Variants in EYS observed in about 807,000 individuals in gnomAD.
EYS encodes protein eyes shut homolog.
A neutral mutation model predicts 282.1 loss-of-function variants in EYS; 250 were observed. The observed-to-expected ratio is 0.89, with a 90% confidence interval of 0.80 to 0.98. The LOEUF (loss-of-function observed/expected upper bound fraction) is 0.98. Among genes scored for constraint, EYS ranks in the 50% least tolerant of loss-of-function variants. EYS has a pLI of 0.00. For synonymous variants in EYS, 1,355 were observed against 1,282.9 expected (o/e 1.06, Z -1.20); for missense variants, 4,016 against 3,709.0 (o/e 1.08, Z -2.15).
chr6:63,904,180 T>C (rs555727696), intron 35 of EYS, among the ~76,000 whole-genome samples: 4 of 152,300 alleles, frequency 2.6e-5, no homozygotes, highest in South Asian at 2.1e-4. Context: ...GTGTCTCAAC[T>C]GTCCTTGCTT....
At chr6:65,576,426 C>T (rs1764670600) in intron 2 of EYS, among the ~76,000 whole-genome samples, 1 of 151,754 alleles carries the variant, frequency 6.6e-6, no homozygotes, top group Admixed American at 6.6e-5. Context: ...AAAGAATGTA[C>T]CTCAACACAA....
At chr6:65,198,253 G>A (rs1255025634) in intron 12 of EYS, among the ~76,000 whole-genome samples, 1 of 152,048 alleles carries the variant, frequency 6.6e-6, no homozygotes, top group African/African-American at 2.4e-5. Flanking sequence ...TAACATGTAT[G>A]GAGTTATCAT....
intron 2 of EYS, among the ~76,000 whole-genome samples, chr6:65,615,258 T>C (rs1198923263): frequency 6.6e-6 from 1 of 152,062 alleles, no homozygotes; most frequent in African/African-American, 2.4e-5. Flanking sequence ...CTTTGCAGTT[T>C]TCATCTTTTG....
chr6:63,787,675 G>A (rs533038299), intron 39 of EYS, among the ~76,000 whole-genome samples: 1 of 152,282 alleles, frequency 6.6e-6, no homozygotes, highest in South Asian at 2.1e-4. Context: ...ATGAGGCTGG[G>A]CATGGCCTGT....
intron 2 of EYS, among the ~76,000 whole-genome samples, chr6:65,542,209 T>G (rs1410072248): frequency 6.6e-6 from 1 of 152,084 alleles, no homozygotes; most frequent in East Asian, 1.9e-4. Context: ...ACTTCTTTAT[T>G]CCTAATTGGT....
At chr6:65,272,655 C>T (rs1452164674) in intron 12 of EYS, among the ~76,000 whole-genome samples, 2 of 152,216 alleles carry the variant, frequency 1.3e-5, no homozygotes, top group Admixed American at 6.5e-5. Flanking sequence ...TTAGGATATA[C>T]ATTAATCCAT....
chr6:64,071,456 T>C (rs1440466274), intron 32 of EYS, among the ~76,000 whole-genome samples: 1 of 151,784 alleles, frequency 6.6e-6, no homozygotes, highest in African/African-American at 2.4e-5. Flanking sequence ...TCTTTATACA[T>C]GTTTGTGCCC....
intron 26 of EYS, among the ~76,000 whole-genome samples, chr6:64,581,981 G>T (rs1382784097): frequency 1.3e-5 from 2 of 152,070 alleles, no homozygotes; most frequent in Admixed American, 1.3e-4. Flanking sequence ...TAAAAACTTG[G>T]CCAGAAAAGT....
At chr6:64,832,474 T>C (rs2150029029) in intron 19 of EYS, among the ~76,000 whole-genome samples, 1 of 151,958 alleles carries the variant, frequency 6.6e-6, no homozygotes, top group Middle Eastern at 3.4e-3. Flanking sequence ...TTCAATGGCA[T>C]AAAATTTCAC....
chr6:63,822,929 T>C (rs1771361978), intron 36 of EYS, among the ~76,000 whole-genome samples: 1 of 152,210 alleles, frequency 6.6e-6, no homozygotes, highest in South Asian at 2.1e-4. Context: ...TTTTAGTTTC[T>C]GTTTTCTAAT....
At chr6:64,057,570 A>AT (rs1235146609) in intron 33 of EYS, among the ~76,000 whole-genome samples, 1 of 152,164 alleles carries the variant, frequency 6.6e-6, no homozygotes, top group African/African-American at 2.4e-5. Flanking sequence ...TTTGGAAAGA[A>AT]TGCCAGAGCT....
intron 30 of EYS, among the ~76,000 whole-genome samples, chr6:64,232,707 A>C (rs1766463197): frequency 6.6e-6 from 1 of 152,136 alleles, no homozygotes; most frequent in Non-Finnish European, 1.5e-5. Context: ...CACACTACTA[A>C]AGAAGAACAA....
chr6:63,948,501 G>T lies in EYS; in HGVS notation c.7055+35882C>A, dbSNP rs572023520. On this transcript the variant is annotated intron_variant, in intron 35 of 42. Coordinates refer to ENST00000503581, the MANE Select transcript of EYS (RefSeq NM_001142800.2). ...GGCTGGTGACAAACACCACAAGGGT[G>T]TATCTCCCCAACAAGATGCTGATCA... Among the ~76,000 whole-genome samples, 122 of 152,316 alleles carry T rather than the reference G, an allele frequency of 8.0e-4. 1 individual carries two copies. The highest frequency in any genetic ancestry group is 1.6e-3 in the Non-Finnish European group (106 of 68,030).
At chr6:65,573,129 G>C (rs1764536282) in intron 2 of EYS, among the ~76,000 whole-genome samples, 1 of 152,064 alleles carries the variant, frequency 6.6e-6, no homozygotes, top group Non-Finnish European at 1.5e-5. Context: ...TGCGGAGTGG[G>C]CATAGCAGCT....
chr6:65,299,924 T>A (rs1418387195), intron 11 of EYS, among the ~76,000 whole-genome samples: 1 of 152,182 alleles, frequency 6.6e-6, no homozygotes, highest in Middle Eastern at 3.4e-3. Flanking sequence ...AGCCCTTATA[T>A]CATTCTCCCA....
chr6:65,398,941 G>A (rs1459849944), intron 7 of EYS, among the ~76,000 whole-genome samples: 1 of 152,022 alleles, frequency 6.6e-6, no homozygotes, highest in Non-Finnish European at 1.5e-5. Context: ...AGTTACCCTT[G>A]ACTTATTTCT....
In EYS at chr6:65,541,251, G is replaced by GT. The variant is rs576958954; in HGVS notation, c.-332-45259dup. 4.6e-3 allele frequency among the ~76,000 whole-genome samples: 700 copies of GT among 152,234 alleles called. 6 individuals are homozygous for GT. The highest frequency in any genetic ancestry group is 0.015 in the African/African-American group (643 of 41,558). ...CTAATATACAAATTGTATACTGATTGTAAGAGATTCTGAGTTAATTTAAAC... is the reference window on the plus strand; with the variant it reads ...CTAATATACAAATTGTATACTGATTGTTAAGAGATTCTGAGTTAATTTAAAC... On this transcript the variant is annotated intron_variant, in intron 2 of 42. Coordinates refer to ENST00000503581, the MANE Select transcript of EYS (RefSeq NM_001142800.2).
At chr6:64,906,986 CTCATGCATTTTA>C in intron 16 of EYS, among the ~76,000 whole-genome samples, 1 of 152,140 alleles carries the variant, frequency 6.6e-6, no homozygotes, top group East Asian at 1.9e-4. Context: ...CACACACATT[CTCATGCATTTTA>C]TTTGAAGTCG....
intron 41 of EYS, among the ~76,000 whole-genome samples, chr6:63,729,737 T>C (rs973623494): frequency 6.6e-6 from 1 of 152,150 alleles, no homozygotes; most frequent in African/African-American, 2.4e-5. Context: ...GTATTCCATT[T>C]CTCCTGGTTT....
Sources: allele counts gnomAD v4.1 joint callset (sites outside exome capture counted in the v4.1 genomes callset), GRCh38; gene constraint gnomAD v4.1.1; transcripts MANE v1.5; gene names NCBI Gene and HGNC (gene_info 2026-07-23, HGNC 2026-07-21).